The following RPH3AL variants were observed in gnomAD, a reference collection of about 807,000 sequenced individuals.
The protein encoded by RPH3AL is rabphilin 3A like (without C2 domains), also known as rab effector Noc2.
A neutral mutation model predicts 43.1 loss-of-function variants in RPH3AL; 38 were observed. The ratio of observed to expected loss-of-function variants is 0.88; its 90% CI spans 0.68 to 1.15. The LOEUF (loss-of-function observed/expected upper bound fraction) is 1.15, where lower values mean the gene tolerates loss of function less well. RPH3AL is among the 50% of genes most tolerant of loss of function. RPH3AL has a pLI of 0.00. For synonymous variants in RPH3AL, 189 were observed against 176.3 expected (o/e 1.07, Z -0.57); for missense variants, 462 against 423.2 (o/e 1.09, Z -0.81).
At chr17:284,837 C>G (rs55856972) in intron 5 of RPH3AL, among the ~76,000 whole-genome samples, 39 of 152,264 alleles carry the variant, frequency 2.6e-4, no homozygotes, top group African/African-American at 7.9e-4. Flanking sequence ...CTGACGGCCC[C>G]GGTCGGGGTG....
intron 5 of RPH3AL, among the ~76,000 whole-genome samples, chr17:310,758 C>T (rs1439435278): frequency 6.6e-6 from 1 of 152,186 alleles, no homozygotes; most frequent in African/African-American, 2.4e-5. Context: ...TGACACCAGT[C>T]GGTGTGCGAT....
At chr17:348,293 A>G (rs1162364177) in intron 1 of RPH3AL, among the ~76,000 whole-genome samples, 4 of 152,158 alleles carry the variant, frequency 2.6e-5, no homozygotes, top group Non-Finnish European at 5.9e-5. Flanking sequence ...CAAAGCCATT[A>G]TTCTCCCCAC....
intron 5 of RPH3AL, among the ~76,000 whole-genome samples, chr17:306,007 C>T (rs2043477287): frequency 6.9e-6 from 1 of 145,830 alleles, no homozygotes; most frequent in Non-Finnish European, 1.5e-5. Context: ...CGTAACTGGG[C>T]ACCACCATGC....
chr17:293,299 T>C (rs2043088730), intron 5 of RPH3AL, among the ~76,000 whole-genome samples: 1 of 152,104 alleles, frequency 6.6e-6, no homozygotes, highest in Non-Finnish European at 1.5e-5. Context: ...GAGAGGAGGG[T>C]TAAAAAAGGC....
At chr17:226,496 C>T (rs1452821938) in intron 7 of RPH3AL, among the ~76,000 whole-genome samples, 1 of 152,220 alleles carries the variant, frequency 6.6e-6, no homozygotes, top group Non-Finnish European at 1.5e-5. Flanking sequence ...TTCTAATCCA[C>T]TCTAATAAAC....
intron 8 of RPH3AL, 116 bp downstream of exon 8, chr17:219,507 A>T (rs62057059): frequency 0.13 from 47,669 of 361,692 alleles, 6,192 homozygotes; most frequent in Admixed American, 0.15. Flanking sequence ...TAATAGTTTC[A>T]TTTCTTTTCT....
chr17:320,553 C>T (rs866122181), intron 4 of RPH3AL, among the ~76,000 whole-genome samples: 7 of 151,982 alleles, frequency 4.6e-5, no homozygotes, highest in Admixed American at 1.3e-4. Flanking sequence ...GTGGGGAGGT[C>T]GCTTGAGCCC....
At chr17:302,560 G>C (rs916445614) in intron 5 of RPH3AL, among the ~76,000 whole-genome samples, 1 of 151,992 alleles carries the variant, frequency 6.6e-6, no homozygotes, top group Non-Finnish European at 1.5e-5. Context: ...GGAGAGATTC[G>C]GACCCCAGGA....
Position 215,020 on chromosome 17 carries a change from G to T in RPH3AL, c.876+634C>A, listed in dbSNP as rs1200324749. ...AGAGGTGCGGCAGGCGTTCCTGTGG[G>T]TGGCTGCCGGGTGCCCTCCACACCC... is the stretch of plus-strand genomic sequence containing the variant. On this transcript the variant is annotated intron_variant, in intron 9 of 9. Transcript: ENST00000331302. This position sits in a 1 kb window ranked among gnomAD's most constrained non-coding sequence, Gnocchi z 4.1. Among the ~76,000 whole-genome samples the T allele has an allele frequency of 6.6e-6, 1 of 152,186 alleles. No individual in the cohort carries two copies. Among genetic ancestry groups the T allele is most frequent in the East Asian group, 1.9e-4 (1 of 5,186 alleles).
At chr17:305,666 G>A in intron 5 of RPH3AL, among the ~76,000 whole-genome samples, 1 of 152,116 alleles carries the variant, frequency 6.6e-6, no homozygotes, top group Non-Finnish European at 1.5e-5. Context: ...GAGGGAAGAA[G>A]ACAGCTTCCC....
intron 5 of RPH3AL, chr17:306,682 C>T (rs1198577784): frequency 6.6e-5 from 10 of 151,730 alleles, no homozygotes; most frequent in Admixed American, 6.6e-4. Context: ...CTGTCGTTTC[C>T]CTGCTTAGTC....
intron 7 of RPH3AL, among the ~76,000 whole-genome samples, chr17:244,933 C>G (rs1244907077): frequency 6.6e-6 from 1 of 151,742 alleles, no homozygotes; most frequent in African/African-American, 2.4e-5. Flanking sequence ...GAGTGTAACG[C>G]TAGTGTGTGT....
chr17:312,841 C>T (rs1262904097), intron 5 of RPH3AL, among the ~76,000 whole-genome samples: 1 of 152,204 alleles, frequency 6.6e-6, no homozygotes. Flanking sequence ...TCTGTCTGGT[C>T]CTGCAGCTCC....
At chr17:319,265 G>A (rs1256038501) in intron 5 of RPH3AL, among the ~76,000 whole-genome samples, 155 bp downstream of exon 5, 1 of 152,178 alleles carries the variant, frequency 6.6e-6, no homozygotes, top group Admixed American at 6.5e-5. Context: ...AGTCCATTTG[G>A]TTTTTAAGTC....
chr17:331,570 G>GA (rs1308768517), intron 2 of RPH3AL: 2 of 1,276,658 alleles, frequency 1.6e-6, no homozygotes, highest in South Asian at 2.5e-5. Flanking sequence ...GGTGGGAGAG[G>GA]AAGGGCAACT....
At chr17:335,037 T>G (rs1003442882) in intron 1 of RPH3AL, among the ~76,000 whole-genome samples, 1 of 152,180 alleles carries the variant, frequency 6.6e-6, no homozygotes, top group African/African-American at 2.4e-5. Flanking sequence ...TCCTAGGGTG[T>G]GGCACGAACG....
chr17:335,311 C>T (rs1044806836), intron 1 of RPH3AL, among the ~76,000 whole-genome samples: 17 of 152,094 alleles, frequency 1.1e-4, no homozygotes, highest in African/African-American at 2.4e-4. Flanking sequence ...TGGGGGAAGT[C>T]GCTGTGCCTA....
chr17:247,466 C>A (rs2041795478), intron 6 of RPH3AL, among the ~76,000 whole-genome samples, 181 bp from the exon 7 acceptor site: 1 of 152,162 alleles, frequency 6.6e-6, no homozygotes, highest in Admixed American at 6.5e-5. Flanking sequence ...GGACTCAGGA[C>A]ATGAACTCTC....
chr17:261,456 G>T (rs988561202), intron 6 of RPH3AL, among the ~76,000 whole-genome samples: 27 of 152,312 alleles, frequency 1.8e-4, no homozygotes, highest in African/African-American at 6.3e-4. Context: ...GGATCAGCCA[G>T]CCCCTTGATC....
Sources: gnomAD v4.1 joint callset for allele counts (sites outside exome capture counted in the v4.1 genomes callset) on GRCh38, gnomAD v4.1.1 for gene constraint, Gnocchi (gnomAD v3.1) non-coding constraint, MANE v1.5 for transcripts, NCBI Gene and HGNC (gene_info 2026-07-23, HGNC 2026-07-21) for gene names.